IL18R1: variants seen among roughly 807,000 people sequenced by gnomAD.
IL18R1 encodes interleukin 18 receptor 1.
Under a neutral mutation model 48.5 loss-of-function variants are expected in IL18R1, and 40 were observed. That is an observed-to-expected ratio of 0.82 (90% confidence interval 0.64 to 1.07). IL18R1 has a LOEUF of 1.07. IL18R1 is among the 50% of genes least tolerant of loss of function. IL18R1 has a pLI of 0.00. For missense variants in IL18R1, 596 were observed against 633.7 expected (o/e 0.94, Z 0.64); for synonymous variants, 232 against 225.9 (o/e 1.03, Z -0.24).
intron 6 of IL18R1, among the ~76,000 whole-genome samples, chr2:102,383,682 C>G (rs1406712597): frequency 6.6e-6 from 1 of 152,046 alleles, no homozygotes; most frequent in Non-Finnish European, 1.5e-5. Flanking sequence ...ATAAGTGTCT[C>G]TCATAAACTG....
chr2:102,390,439 T>G (rs1680496341), intron 9 of IL18R1, among the ~76,000 whole-genome samples: 1 of 152,200 alleles, frequency 6.6e-6, no homozygotes, highest in South Asian at 2.1e-4. Flanking sequence ...TCTGATTGTC[T>G]CGTGTATGTA....
chr2:102,387,703 T>C lies in IL18R1; in HGVS notation c.949+703T>C, dbSNP rs184222631. ...CTCCACCATCAACTCCCTGGATATG[T>C]AGAGAAAGGTCAAGATCTGCAAGAG... On this transcript the variant is annotated intron_variant, in intron 8 of 10. Transcript: ENST00000233957. Among the ~76,000 whole-genome samples the C allele has an allele frequency of 4.0e-4, 61 of 151,870 alleles. 1 individual carries two copies. In the East Asian group the frequency reaches 5.4e-3, roughly 14 times the overall value.
chr2:102,357,389 G>A (rs1298953248), intron 1 of IL18R1, among the ~76,000 whole-genome samples: 1 of 152,046 alleles, frequency 6.6e-6, no homozygotes, highest in Non-Finnish European at 1.5e-5. Context: ...TACTCGGGAG[G>A]CTGAGGCAGG....
chr2:102,360,110 T>A (rs774216488), intron 1 of IL18R1, among the ~76,000 whole-genome samples: 3 of 152,214 alleles, frequency 2.0e-5, no homozygotes, highest in Non-Finnish European at 1.5e-5. Context: ...AAGATGGTCA[T>A]GTGATTATCT....
chr2:102,374,117 C>T (rs1368513400), intron 4 of IL18R1: 1 of 214,508 alleles, frequency 4.7e-6, no homozygotes, highest in African/African-American at 2.3e-5. Flanking sequence ...CCCTGCCCAC[C>T]CTGGTCCATG....
chr2:102,381,954 A>G lies in IL18R1; in HGVS notation c.688+272A>G, dbSNP rs532850908. On this transcript the variant is annotated intron_variant, in intron 6 of 10. Coordinates refer to ENST00000233957, the MANE Select transcript of IL18R1 (RefSeq NM_003855.5). ...GTTGTGCTGTGTGTGGCTTGTCTTT[A>G]ACTCTCTCTATGGTCATTTCTAAAT... Among the ~76,000 whole-genome samples, 135 of 152,148 alleles carry G rather than the reference A, an allele frequency of 8.9e-4. 1 individual carries two copies. The highest frequency in any genetic ancestry group is 3.1e-3 in the African/African-American group (127 of 41,492).
chr2:102,378,559 C>T (rs938429663), intron 5 of IL18R1, among the ~76,000 whole-genome samples: 4 of 152,226 alleles, frequency 2.6e-5, no homozygotes, highest in Admixed American at 2.0e-4. Context: ...ACTCAAATGT[C>T]GCTCCTCCTT....
intron 3 of IL18R1, among the ~76,000 whole-genome samples, chr2:102,370,092 A>G (rs75183513): frequency 1.3e-5 from 2 of 152,158 alleles, no homozygotes; most frequent in African/African-American, 2.4e-5. Flanking sequence ...CATAACCAGG[A>G]TGGGCTGGGC....
intron 9 of IL18R1, among the ~76,000 whole-genome samples, chr2:102,391,670 AC>A (rs1680574042): frequency 6.6e-6 from 1 of 152,130 alleles, no homozygotes; most frequent in Non-Finnish European, 1.5e-5. Flanking sequence ...CTGTCAATTC[AC>A]CCTCCCTACT....
At chr2:102,385,916 G>A (rs1391360691) in intron 7 of IL18R1, among the ~76,000 whole-genome samples, 3 of 152,212 alleles carry the variant, frequency 2.0e-5, no homozygotes, top group Non-Finnish European at 2.9e-5. Context: ...TAGAAATGCA[G>A]CTTAAGCTAC....
At chr2:102,379,072 T>C (rs1033313673) in intron 5 of IL18R1, among the ~76,000 whole-genome samples, 1 of 152,144 alleles carries the variant, frequency 6.6e-6, no homozygotes, top group Non-Finnish European at 1.5e-5. Context: ...ATCCTAAGGG[T>C]CATGGCAATG....
rs577137767 is a variant in IL18R1, at chr2:102,362,774, C to A, written c.58+56C>A. ...TTCATGAGTAATTGAGGAAGAATGT[C>A]AAAGTTTTTTTTTTTATGTGGTGGC... On this transcript the variant is annotated intron_variant, in intron 2 of 10. Transcript: ENST00000233957. The A allele has an allele frequency of 4.4e-6, 5 of 1,144,958 alleles. No individual in the cohort carries two copies. In the South Asian group the frequency reaches 5.8e-5, roughly 13 times the overall value. The allele number at this position is 1,144,958 out of a possible 1,614,324, so 70.9% of individuals were successfully genotyped here.
chr2:102,385,892 C>T (rs937296645), intron 7 of IL18R1, among the ~76,000 whole-genome samples: 1 of 152,168 alleles, frequency 6.6e-6, no homozygotes, highest in Non-Finnish European at 1.5e-5. Context: ...GGTAGAAAAC[C>T]ACAGTGAATT....
In IL18R1 at chr2:102,381,971, T is replaced by A. The variant is rs981244466; in HGVS notation, c.688+289T>A. 3.9e-5 allele frequency among the ~76,000 whole-genome samples: 6 copies of A among 152,124 alleles called. No homozygotes were observed. The East Asian group carries it at 1.2e-3, about 29-fold the overall frequency. The stretch of plus-strand genomic sequence containing the variant: ...TTGTCTTTAACTCTCTCTATGGTCA[T>A]TTCTAAATATGAAAATTTAGGCCGG... On this transcript the variant is annotated intron_variant, in intron 6 of 10. Coordinates refer to ENST00000233957, the MANE Select transcript of IL18R1 (RefSeq NM_003855.5).
intron 3 of IL18R1, among the ~76,000 whole-genome samples, chr2:102,371,090 CTT>C (rs1445955072): frequency 6.6e-6 from 1 of 150,904 alleles, no homozygotes; most frequent in Non-Finnish European, 1.5e-5. Context: ...GAATTTCGCT[CTT>C]GTTACCCAGG....
intron 1 of IL18R1, among the ~76,000 whole-genome samples, chr2:102,362,182 C>T (rs1678614961): frequency 1.3e-5 from 2 of 152,148 alleles, no homozygotes; most frequent in African/African-American, 2.4e-5. Context: ...AAAAATTCAA[C>T]CCTAAATGAA....
chr2:102,379,773 G>T (rs371058503), intron 5 of IL18R1, among the ~76,000 whole-genome samples: 7 of 152,294 alleles, frequency 4.6e-5, no homozygotes, highest in East Asian at 1.9e-4. Flanking sequence ...ATGCTTCTAG[G>T]TTCTATGGCT....
intron 5 of IL18R1, among the ~76,000 whole-genome samples, chr2:102,380,164 C>A (rs566864657): frequency 6.6e-6 from 1 of 152,122 alleles, no homozygotes; most frequent in Non-Finnish European, 1.5e-5. Flanking sequence ...GTAGGCTGGC[C>A]ATGTCAAGGG....
intron 2 of IL18R1, among the ~76,000 whole-genome samples, chr2:102,367,023 T>C (rs1678939573): frequency 6.6e-6 from 1 of 152,166 alleles, no homozygotes; most frequent in South Asian, 2.1e-4. Flanking sequence ...CAAAATGTGG[T>C]AAAAGTGCAC....
Sources: allele counts gnomAD v4.1 joint callset (sites outside exome capture counted in the v4.1 genomes callset), GRCh38; gene constraint gnomAD v4.1.1; transcripts MANE v1.5; gene names NCBI Gene and HGNC (gene_info 2026-07-23, HGNC 2026-07-21).